The following DGAT1 variants were observed in gnomAD, a reference collection of about 807,000 sequenced individuals.
DGAT1 encodes the protein diacylglycerol O-acyltransferase 1, also known as ACAT related gene product 1.
Under a neutral mutation model 72.6 loss-of-function variants are expected in DGAT1, and 60 were observed. That is an observed-to-expected ratio of 0.83 (90% confidence interval 0.67 to 1.02). The LOEUF is 1.02. DGAT1 is among the 50% of genes least tolerant of loss of function. The pLI, the probability that DGAT1 is intolerant of heterozygous loss-of-function variation, is 0.00. For synonymous variants in DGAT1, 290 were observed against 267.5 expected, an observed-to-expected ratio of 1.08 and a Z score of -0.82; for missense variants, 592 against 670.0, an observed-to-expected ratio of 0.88 and a Z score of 1.29.
In DGAT1 at chr8:144,319,067, A is replaced by C; in HGVS notation, c.290T>G (p.Ile97Ser). ...GILNWCVVMLILSNARLFLEN... is the reference protein window; with the variant it reads ...GILNWCVVMLSLSNARLFLEN... ...CAGAAATAACCGGGCATTGCTCAAG[A>C]TCTGCGAGGGATGGACAGGAGGGTG... is the stretch of plus-strand genomic sequence containing the variant. Residue 97 changes from isoleucine (I) to serine (S), a missense_variant and splice_region_variant, in exon 3 of 17, where the codon ATC (isoleucine) becomes AGC (serine). By Grantham distance (142) the Ile-to-Ser change is moderately radical. Coordinates refer to ENST00000528718, the MANE Select transcript of DGAT1 (RefSeq NM_012079.6). The C allele has an allele frequency of 6.4e-7, 1 of 1,554,310 alleles. No homozygotes were observed. The highest frequency in any genetic ancestry group is 8.7e-7 in the Non-Finnish European group (1 of 1,148,680).
At chr8:144,323,112 A>G (rs1817503314) in intron 1 of DGAT1, among the ~76,000 whole-genome samples, 1 of 152,114 alleles carries the variant, frequency 6.6e-6, no homozygotes, top group African/African-American at 2.4e-5. Context: ...GAACAATCCC[A>G]AGCCTCAGGG....
At position 144,316,656 on chromosome 8, in the gene DGAT1, T is replaced by C; in HGVS notation, c.1365A>G (p.Ala455=). ...GRFFQGNYGN[A]AVWLSLIIGQ... is the part of the protein sequence containing the mutation. ...CGATGATGAGCGACAGCCACACAGC[T>C]GCGTTGCCATAGTTGCCCTGGAAAA... The change falls in exon 17 of 17, where the codon GCA becomes GCG. Residue 455 remains alanine (A), a synonymous_variant. Transcript: ENST00000528718. 1 of 1,611,628 alleles carries C rather than the reference T, an allele frequency of 6.2e-7. No individual in the cohort carries two copies. Among genetic ancestry groups the C allele is most frequent in the South Asian group, 1.1e-5 (1 of 90,752 alleles).
rs1452905323 is a variant in DGAT1 at position 144,315,597 on chromosome 8, A to AG, written c.*956dup. On this transcript the variant is annotated 3_prime_UTR_variant, in exon 17 of 17. Coordinates refer to ENST00000528718, the MANE Select transcript of DGAT1 (RefSeq NM_012079.6). ...TACCCCTGACCTCCCGCTACCATCA[A>AG]GGGGGGCCCCATCTATCCAGCTTGG... The AG allele has an allele frequency of 1.0e-5, 10 of 985,540 alleles. No homozygotes were observed. Among genetic ancestry groups the AG allele is most frequent in the African/African-American group, 7.0e-5 (4 of 57,248 alleles). The allele number at this position is 985,540 out of a possible 1,614,324, so 61.0% of individuals were successfully genotyped here.
chr8:144,320,878 C>T (rs1408427659), intron 2 of DGAT1, among the ~76,000 whole-genome samples: 3 of 152,150 alleles, frequency 2.0e-5, no homozygotes, highest in Non-Finnish European at 4.4e-5. Flanking sequence ...CTTCTCACAT[C>T]CCCTGCCAGA....
intron 2 of DGAT1, 117 bp from the exon 3 acceptor site, chr8:144,319,185 G>A: frequency 8.1e-7 from 1 of 1,233,276 alleles, no homozygotes. Flanking sequence ...GGCAGCCTCA[G>A]GCTTGCAGAC....
In DGAT1 at chr8:144,315,545, G is replaced by A. The variant is rs954981518; in HGVS notation, c.*1009C>T. ...TTTAATCAAGCAGTCACCCCAGCAAGGTAAGGCAGCAGCAGGGCCCTGGGG... is the reference window on the plus strand; with the variant it reads ...TTTAATCAAGCAGTCACCCCAGCAAAGTAAGGCAGCAGCAGGGCCCTGGGG... On this transcript the variant is annotated 3_prime_UTR_variant, in exon 17 of 17. Transcript: ENST00000528718. The A allele has an allele frequency of 3.0e-6, 3 of 985,470 alleles. No homozygotes were observed. The highest frequency in any genetic ancestry group is 3.5e-5 in the African/African-American group (2 of 57,242). The allele number at this position is 985,470 out of a possible 1,614,324, so 61.0% of individuals were successfully genotyped here. A position where few individuals can be genotyped will look rare whatever the true frequency, so the allele number is the denominator to read the frequency against.
rs112965358 is a variant in DGAT1, at chr8:144,318,971, G to A, written c.330-51C>T. On this transcript the variant is annotated intron_variant, in intron 3 of 16. Transcript: ENST00000528718. ...AGTGGGTGGCAGGTGGGGCTGTGGG[G>A]CGGGGCCTGGACAGGCCATGGGTGG... The A allele has an allele frequency of 3.2e-6, 5 of 1,561,404 alleles. No individual in the cohort carries two copies. The African/African-American group carries it at 5.4e-5, about 17-fold the overall frequency.
rs1472461556 is a variant in DGAT1 at position 144,318,266 on chromosome 8, T to TTGGCCC, written c.665_670dup (p.Arg222_Ala223dup). 1.9e-6 allele frequency: 3 copies of TTGGCCC among 1,612,490 alleles called. No individual in the cohort carries two copies. Among genetic ancestry groups the TTGGCCC allele is most frequent in the African/African-American group, 1.3e-5 (1 of 74,932 alleles). On this transcript the variant is annotated inframe_insertion, in exon 7 of 17. Transcript: ENST00000528718. ...AGCCCCTGGCAGCCCCTCACCAGCCTTGGCCCTGGCCCTGCGGCACCATGA... is the reference window on the plus strand; with the variant it reads ...AGCCCCTGGCAGCCCCTCACCAGCCTTGGCCCTGGCCCTGGCCCTGCGGCACCATGA...
chr8:144,321,244 T>C (rs1817447792), intron 2 of DGAT1, 77 bp downstream of exon 2: 1 of 1,408,494 alleles, frequency 7.1e-7, no homozygotes, highest in Non-Finnish European at 1.0e-6. Flanking sequence ...TGACAGAGCC[T>C]GTTCTCAGGC....
chr8:144,318,552 C>G lies in DGAT1; in HGVS notation c.483G>C (p.Glu161Asp), dbSNP rs1439487383. ...EKRLAVGALT[E>D]QAGLLLHVAN... ...CCACGTGCAGCAGCAGTCCCGCCTG[C>G]TCCGTCAGGGCACCCTGGAGTGGGG... Residue 161 changes from glutamate (E) to aspartate (D), a missense_variant, in exon 6 of 17, where the codon GAG becomes GAC. Coordinates refer to ENST00000528718, the MANE Select transcript of DGAT1 (RefSeq NM_012079.6). The G allele has an allele frequency of 6.2e-7, 1 of 1,612,076 alleles. No individual in the cohort carries two copies. The highest frequency in any genetic ancestry group is 8.5e-7 in the Non-Finnish European group (1 of 1,179,890).
rs1554848104 is a variant in DGAT1, at chr8:144,321,329, CCA to C, written c.278_279del (p.Val93GlyfsTer37). 1 of 1,613,978 alleles carries C rather than the reference CCA, an allele frequency of 6.2e-7. No individual in the cohort carries two copies. The highest frequency in any genetic ancestry group is 1.7e-5 in the Admixed American group (1 of 60,024). On this transcript the variant is annotated frameshift_variant, in exon 2 of 17. Transcript: ENST00000528718. LOFTEE classifies it high-confidence loss of function. ...SNYRGILNWCVVMLILSNARL... is the reference protein window; with the variant it reads ...SNYRGILNWCXVMLILSNARL... ...CACCATGTCCCACTCACCAGCATCA[CCA>C]CACACCAGTTCAGGATGCCACGGTA...
At chr8:144,317,612 A>T in intron 11 of DGAT1, 24 bp from the exon 12 acceptor site, 1 of 1,613,944 alleles carries the variant, frequency 6.2e-7, no homozygotes, top group Non-Finnish European at 8.5e-7. Flanking sequence ...CCCTTCAGCT[A>T]GCCATGCTCC....
At chr8:144,319,841 C>T (rs1174068292) in intron 2 of DGAT1, among the ~76,000 whole-genome samples, 4 of 152,320 alleles carry the variant, frequency 2.6e-5, no homozygotes, top group Admixed American at 6.5e-5. Flanking sequence ...GCCCCAATGC[C>T]GCAGACCTGG....
In DGAT1 at chr8:144,315,974, T is replaced by TC. The variant is rs1554846893; in HGVS notation, c.*579dup. 1.0e-6 allele frequency: 1 copy of TC among 985,188 alleles called. No individual in the cohort carries two copies. Among genetic ancestry groups the TC allele is most frequent in the Non-Finnish European group, 1.2e-6 (1 of 829,630 alleles). 61.0% of individuals were successfully genotyped at this position (985,188 alleles called of 1,614,324 possible). ...TCCCGCAAACCCAGGGCCGACCTCTTCCCAAGCTGAAGCTGAGCACGGTGG... is the reference window on the plus strand; with the variant it reads ...TCCCGCAAACCCAGGGCCGACCTCTTCCCCAAGCTGAAGCTGAGCACGGTGG... On this transcript the variant is annotated 3_prime_UTR_variant, in exon 17 of 17. Coordinates refer to ENST00000528718, the MANE Select transcript of DGAT1 (RefSeq NM_012079.6).
At position 144,314,787 on chromosome 8, in the gene DGAT1, C is replaced by G. The variant is rs1817125543; in HGVS notation, c.*1767G>C. 4.1e-6 allele frequency: 2 copies of G among 485,424 alleles called. No homozygotes were observed. Among genetic ancestry groups the G allele is most frequent in the Non-Finnish European group, 5.4e-6 (2 of 368,494 alleles). The allele number at this position is 485,424 out of a possible 1,614,324, so 30.1% of individuals were successfully genotyped here. On this transcript the variant is annotated 3_prime_UTR_variant, in exon 17 of 17. Coordinates refer to ENST00000528718, the MANE Select transcript of DGAT1 (RefSeq NM_012079.6). Reference sequence around the variant, plus strand: ...GGGTGGTGCTGCAATGAGGAGGGGCCCAGGGCACAGAAGGGCCGGGCTGCA... The same window carrying G: ...GGGTGGTGCTGCAATGAGGAGGGGCGCAGGGCACAGAAGGGCCGGGCTGCA...
rs1433887356 is a variant in DGAT1, at chr8:144,315,085, G to A, written c.*1469C>T. On this transcript the variant is annotated 3_prime_UTR_variant, in exon 17 of 17. Transcript: ENST00000528718. ...ACGGGAGCCTGTCCCGTAGCTTTAG[G>A]GTTCTCCACTCAGCCTGGTGGAGGA... The A allele has an allele frequency of 5.1e-6, 5 of 985,366 alleles. No homozygotes were observed. Among genetic ancestry groups the A allele is most frequent in the Non-Finnish European group, 6.0e-6 (5 of 829,952 alleles). The allele number at this position is 985,366 out of a possible 1,614,324, so 61.0% of individuals were successfully genotyped here.
intron 1 of DGAT1, among the ~76,000 whole-genome samples, chr8:144,323,441 A>C (rs889530462): frequency 6.7e-6 from 1 of 149,406 alleles, no homozygotes; most frequent in African/African-American, 2.5e-5. Context: ...ACAGGCCCCC[A>C]TGAGGAGGAA....
In DGAT1 at chr8:144,318,444, G is replaced by A. The variant is rs577347485; in HGVS notation, c.574+17C>T. 1.2e-5 allele frequency: 20 copies of A among 1,610,140 alleles called. 1 individual carries two copies. In the South Asian group the frequency reaches 1.5e-4, roughly 12 times the overall value. ...GGCTGGCCCGAGACAGATGGGCAGG[G>A]TGGGATGGGGGCGCACCTGGAGTGA... On this transcript the variant is annotated intron_variant, in intron 6 of 16. Coordinates refer to ENST00000528718, the MANE Select transcript of DGAT1 (RefSeq NM_012079.6).
At position 144,315,850 on chromosome 8, in the gene DGAT1, A is replaced by AC; in HGVS notation, c.*703dup. ...CCTGCCCCAAGGCGAATAGCCATGG[A>AC]CATAGCCATTGTGTACCGTAGCCCC... On this transcript the variant is annotated 3_prime_UTR_variant, in exon 17 of 17. Coordinates refer to ENST00000528718, the MANE Select transcript of DGAT1 (RefSeq NM_012079.6). 1 of 985,418 alleles carries AC rather than the reference A, an allele frequency of 1.0e-6. No individual in the cohort carries two copies. Among genetic ancestry groups the AC allele is most frequent in the Non-Finnish European group, 1.2e-6 (1 of 829,882 alleles). The allele number at this position is 985,418 out of a possible 1,614,324, so 61.0% of individuals were successfully genotyped here.
Sources: allele counts gnomAD v4.1 joint callset (sites outside exome capture counted in the v4.1 genomes callset), GRCh38; gene constraint gnomAD v4.1.1; transcripts MANE v1.5; gene names NCBI Gene and HGNC (gene_info 2026-07-23, HGNC 2026-07-21).